The following DAB1 variants were observed in gnomAD, a reference collection of about 807,000 sequenced individuals.
DAB1 encodes the protein DAB adaptor protein 1.
A neutral mutation model predicts 64.6 loss-of-function variants in DAB1; 15 were observed. That is an observed-to-expected ratio of 0.23 (90% confidence interval 0.16 to 0.36). The LOEUF (loss-of-function observed/expected upper bound fraction) is 0.36, where lower values mean the gene tolerates loss of function less well. Among genes scored for constraint, DAB1 ranks in the 10% least tolerant of loss-of-function variants. DAB1 has a pLI of 1.00. For synonymous variants in DAB1, 235 were observed against 251.9 expected, an observed-to-expected ratio of 0.93 and a Z score of 0.64; for missense variants, 596 against 706.7, an observed-to-expected ratio of 0.84 and a Z score of 1.78.
intron 3 of DAB1, among the ~76,000 whole-genome samples, chr1:58,418,046 T>A (rs568124181): frequency 6.6e-6 from 1 of 152,122 alleles, no homozygotes; most frequent in Admixed American, 6.5e-5. Flanking sequence ...CTGACTGAGC[T>A]CAGCTGCAGT....
At chr1:58,457,852 T>C (rs1336408757) in intron 3 of DAB1, among the ~76,000 whole-genome samples, 2 of 152,186 alleles carry the variant, frequency 1.3e-5, no homozygotes, top group East Asian at 3.9e-4. Flanking sequence ...TAATTGGCTG[T>C]TGTTGACGGG....
At chr1:58,471,338 A>G (rs1645355685) in intron 3 of DAB1, among the ~76,000 whole-genome samples, 2 of 152,150 alleles carry the variant, frequency 1.3e-5, no homozygotes, top group African/African-American at 4.8e-5. Flanking sequence ...GAAAATATTC[A>G]CTATCCTTGG....
chr1:57,017,930 G>A (rs890452067), intron 11 of DAB1, among the ~76,000 whole-genome samples: 1 of 152,156 alleles, frequency 6.6e-6, no homozygotes, highest in Non-Finnish European at 1.5e-5. Flanking sequence ...GGGGTGGCTA[G>A]AAAATTTGTG....
chr1:57,094,332 C>T (rs964478778), intron 4 of DAB1, among the ~76,000 whole-genome samples: 1 of 152,114 alleles, frequency 6.6e-6, no homozygotes, highest in Non-Finnish European at 1.5e-5. Context: ...GAAACATAGC[C>T]CAACCTCAGC....
At chr1:57,081,720 AG>A (rs988924475) in intron 4 of DAB1, among the ~76,000 whole-genome samples, 1 of 152,198 alleles carries the variant, frequency 6.6e-6, no homozygotes, top group African/African-American at 2.4e-5. Context: ...TGACCTGCTC[AG>A]GTAGCAGGAG....
At chr1:57,268,428 G>C (rs1020294948) in intron 2 of DAB1, among the ~76,000 whole-genome samples, 4 of 152,192 alleles carry the variant, frequency 2.6e-5, no homozygotes, top group Non-Finnish European at 5.9e-5. Flanking sequence ...AGAAAATCCA[G>C]ATAACTCTTT....
intron 3 of DAB1, among the ~76,000 whole-genome samples, chr1:58,432,479 T>C (rs1455750003): frequency 6.6e-6 from 1 of 152,144 alleles, no homozygotes; most frequent in Non-Finnish European, 1.5e-5. Flanking sequence ...AATGAATAAA[T>C]GAGTCAAGAC....
chr1:57,419,086 T>G (rs1684708187), intron 1 of DAB1, among the ~76,000 whole-genome samples: 1 of 152,300 alleles, frequency 6.6e-6, no homozygotes, highest in Admixed American at 6.5e-5. Flanking sequence ...AGGGGTTTTC[T>G]TTTCCTACTG....
chr1:58,092,343 A>G (rs1371159319), intron 5 of DAB1, among the ~76,000 whole-genome samples: 2 of 152,014 alleles, frequency 1.3e-5, no homozygotes, highest in Non-Finnish European at 2.9e-5. Flanking sequence ...AAAAAAAAAA[A>G]AAAAAATTTA....
chr1:58,342,847 T>C (rs974281158), intron 4 of DAB1, among the ~76,000 whole-genome samples: 5 of 152,152 alleles, frequency 3.3e-5, no homozygotes, highest in African/African-American at 1.2e-4. Context: ...CTGTTTGTTT[T>C]TGTAACTCTC....
intron 1 of DAB1, among the ~76,000 whole-genome samples, chr1:57,857,621 C>T (rs889090818): frequency 6.6e-6 from 1 of 152,060 alleles, no homozygotes; most frequent in Non-Finnish European, 1.5e-5. Context: ...AATGGTCACA[C>T]AGTTAGAAAG....
At chr1:57,251,451 AAT>A (rs1287961950) in intron 2 of DAB1, among the ~76,000 whole-genome samples, 4 of 152,210 alleles carry the variant, frequency 2.6e-5, no homozygotes, top group African/African-American at 9.6e-5. Flanking sequence ...AACCTTATGA[AAT>A]TGTCTAGCCT....
At chr1:57,620,490 T>C (rs1645844356) in intron 7 of DAB1, among the ~76,000 whole-genome samples, 1 of 152,218 alleles carries the variant, frequency 6.6e-6, no homozygotes, top group Non-Finnish European at 1.5e-5. Context: ...AACTTGACTT[T>C]TGAAATATGT....
At chr1:58,297,395 C>T (rs1206605114) in intron 4 of DAB1, among the ~76,000 whole-genome samples, 1 of 152,174 alleles carries the variant, frequency 6.6e-6, no homozygotes, top group Non-Finnish European at 1.5e-5. Flanking sequence ...CCTCGAAGAG[C>T]CCATGGTCTA....
At chr1:57,397,250 A>C (rs748269052) in intron 1 of DAB1, among the ~76,000 whole-genome samples, 1 of 152,184 alleles carries the variant, frequency 6.6e-6, no homozygotes, top group African/African-American at 2.4e-5. Flanking sequence ...GGTGGTAAAC[A>C]GAAAAATTCT....
intron 4 of DAB1, among the ~76,000 whole-genome samples, chr1:57,136,077 T>C (rs1658053567): frequency 6.6e-6 from 1 of 152,178 alleles, no homozygotes; most frequent in Non-Finnish European, 1.5e-5. Flanking sequence ...CGTGCAGTGA[T>C]AGATTTCTTT....
At chr1:57,232,990 G>T (rs908334745) in intron 2 of DAB1, among the ~76,000 whole-genome samples, 1 of 152,074 alleles carries the variant, frequency 6.6e-6, no homozygotes, top group East Asian at 1.9e-4. Context: ...CTCCTTGAAG[G>T]TTTTCATTGC....
intron 7 of DAB1, among the ~76,000 whole-genome samples, chr1:57,627,355 A>G (rs748724271): frequency 2.0e-5 from 3 of 152,178 alleles, no homozygotes; most frequent in Non-Finnish European, 4.4e-5. Flanking sequence ...TCTGTATAAT[A>G]AATCTCTTCC....
rs974344561 is a variant in DAB1, at chr1:58,349,610, A to T, written n.258-6207T>A. Among the ~76,000 whole-genome samples, 10 of 151,616 alleles carry T rather than the reference A, an allele frequency of 6.6e-5. 1 individual carries two copies. The highest frequency in any genetic ancestry group is 5.3e-4 in the Admixed American group (8 of 15,200). On this transcript the variant is annotated intron_variant and non_coding_transcript_variant, in intron 3 of 20. Transcript: ENST00000485760. ...TCTCCTAATGCTATCCCTCCCCTAG[A>T]CGCCCACCCCTCGACAGGCCCTGGT...
Sources: gnomAD v4.1 joint callset for allele counts (sites outside exome capture counted in the v4.1 genomes callset) on GRCh38, gnomAD v4.1.1 for gene constraint, MANE v1.5 for transcripts, NCBI Gene and HGNC (gene_info 2026-07-23, HGNC 2026-07-21) for gene names.